The following SIRT1 variants were observed in gnomAD, a reference collection of about 807,000 sequenced individuals.
SIRT1 encodes NAD-dependent protein deacetylase sirtuin-1.
In SIRT1, 24 loss-of-function variants were observed where a neutral mutation model predicts 67.9. That is an observed-to-expected ratio of 0.35 (90% confidence interval 0.26 to 0.50). SIRT1 has a LOEUF of 0.50. SIRT1 is among the 20% of genes least tolerant of loss of function. The pLI, the probability that SIRT1 is intolerant of heterozygous loss-of-function variation, is 0.98. For missense variants in SIRT1, 873 were observed against 937.2 expected (o/e 0.93, Z 0.89); for synonymous variants, 378 against 350.7 (o/e 1.08, Z -0.87).
chr10:67,889,895 T>G (rs150421582), intron 3 of SIRT1, among the ~76,000 whole-genome samples: 236 of 152,290 alleles, frequency 1.5e-3, no homozygotes, highest in African/African-American at 5.2e-3. Context: ...ACTTCTGAAA[T>G]CTCTATTTGA....
At chr10:67,900,015 C>T (rs35695055) in intron 4 of SIRT1, among the ~76,000 whole-genome samples, 16,862 of 151,908 alleles carry the variant, frequency 0.11, 959 homozygotes, top group South Asian at 0.15. Context: ...ACTCGGGAGG[C>T]GGAGATTGCA....
intron 7 of SIRT1, 122 bp from the exon 8 acceptor site, chr10:67,912,352 G>A: frequency 1.3e-6 from 1 of 792,526 alleles, no homozygotes; most frequent in South Asian, 1.8e-5. Flanking sequence ...TTAGTGCATG[G>A]GTCTTTTTTG....
intron 4 of SIRT1, among the ~76,000 whole-genome samples, chr10:67,905,043 GCT>G (rs1234156806): frequency 6.6e-6 from 1 of 152,098 alleles, no homozygotes; most frequent in South Asian, 2.1e-4. Context: ...CTTGGTACTT[GCT>G]CTTTTTCCCT....
chr10:67,886,067 C>G (rs1050968819), intron 1 of SIRT1, among the ~76,000 whole-genome samples: 3 of 150,806 alleles, frequency 2.0e-5, no homozygotes, highest in East Asian at 2.0e-4. Context: ...TTCAGCCTGC[C>G]GAGTAGCTGG....
chr10:67,904,800 C>T (rs761388449), intron 4 of SIRT1, among the ~76,000 whole-genome samples: 39 of 150,748 alleles, frequency 2.6e-4, no homozygotes, highest in Non-Finnish European at 3.8e-4. Context: ...GCTGAGATCG[C>T]GCCATTGCAC....
intron 4 of SIRT1, among the ~76,000 whole-genome samples, chr10:67,894,873 C>T (rs1176621697): frequency 6.6e-6 from 1 of 152,056 alleles, no homozygotes; most frequent in East Asian, 1.9e-4. Context: ...TCACGATCAG[C>T]ACTTTTAGTA....
chr10:67,913,965 ATG>A (rs1266291598), intron 8 of SIRT1, among the ~76,000 whole-genome samples: 1 of 152,164 alleles, frequency 6.6e-6, no homozygotes, highest in African/African-American at 2.4e-5. Context: ...ATAATTATAA[ATG>A]TGAGTGATAC....
rs766544980 is a variant in SIRT1 at position 67,885,941 on chromosome 10, CTTTTT to C, written c.430+809_430+813del. The stretch of plus-strand genomic sequence containing the variant: ...GCAGTTGTCATGTTCTTGAAGGTTT[CTTTTT>C]TTTTTTTTTTTTTTTTTTGAGACGG... On this transcript the variant is annotated intron_variant, in intron 1 of 8. Transcript: ENST00000212015. Among the ~76,000 whole-genome samples the C allele has an allele frequency of 5.8e-3, 559 of 95,558 alleles. 4 individuals carry two copies. The highest frequency in any genetic ancestry group is 0.019 in the African/African-American group (479 of 24,646). The allele number at this position is 95,558 out of a possible 152,430, so 62.7% of individuals were successfully genotyped here.
intron 3 of SIRT1, 35 bp from the exon 4 acceptor site, chr10:67,891,367 A>T (rs7896005): frequency 8.1e-6 from 13 of 1,604,486 alleles, no homozygotes; most frequent in Non-Finnish European, 1.1e-5. Context: ...AAGGTAGAAG[A>T]TTTAATTTTA....
chr10:67,890,135 A>C (rs7099525), intron 3 of SIRT1, among the ~76,000 whole-genome samples: 37 of 151,992 alleles, frequency 2.4e-4, no homozygotes, highest in African/African-American at 8.5e-4. Context: ...GGCTCACTGC[A>C]ACCTCTGCCT....
At position 67,895,497 on chromosome 10, in the gene SIRT1, T is replaced by C. The variant is rs75292112; in HGVS notation, c.942+3943T>C. Among the ~76,000 whole-genome samples, 295 of 152,250 alleles carry C rather than the reference T, an allele frequency of 1.9e-3. 6 individuals are homozygous for C. The East Asian group carries it at 0.046, about 24-fold the overall frequency. On this transcript the variant is annotated intron_variant, in intron 4 of 8. Transcript: ENST00000212015. ...ATTTCTAAATATTACAAGAATAGAA[T>C]ATTCATAGGATAACCTAAGCTTTTC...
At chr10:67,916,131 T>C (rs2029904606) in intron 8 of SIRT1, 134 bp from the exon 9 acceptor site, 6 of 782,926 alleles carry the variant, frequency 7.7e-6, no homozygotes. Flanking sequence ...CCAGTTGTTT[T>C]TAAACACTAA....
intron 4 of SIRT1, among the ~76,000 whole-genome samples, chr10:67,897,050 G>A (rs1842669430): frequency 6.6e-6 from 1 of 151,762 alleles, no homozygotes; most frequent in African/African-American, 2.4e-5. Flanking sequence ...CAGCTACTCG[G>A]GAGGCTGAGG....
Position 67,889,090 on chromosome 10 carries a change from G to A in SIRT1, c.756G>A (p.Glu252=), listed in dbSNP as rs757474809. 2.5e-6 allele frequency: 4 copies of A among 1,605,242 alleles called. No individual in the cohort carries two copies. The South Asian group carries it at 4.4e-5, about 18-fold the overall frequency. Residue 252 remains glutamate (E), a synonymous_variant, in exon 3 of 9, where the codon GAG becomes GAA. Coordinates refer to ENST00000212015, the MANE Select transcript of SIRT1 (RefSeq NM_012238.5). ...TIEDAVKLLQ[E]CKKIIVLTGA... Reference sequence around the variant, plus strand: ...AAGATGCTGTGAAATTACTGCAAGAGTGCAAAAAAATTATAGTTCTAACTG... The same window carrying A: ...AAGATGCTGTGAAATTACTGCAAGAATGCAAAAAAATTATAGTTCTAACTG...
rs148443002 is a variant in SIRT1 at position 67,892,942 on chromosome 10, T to C, written c.942+1388T>C. Reference sequence around the variant, plus strand: ...GTGGTTACTAAACAATTTAAAGTTATATGTATGTCTCACATTATGTACCTA... The same window carrying C: ...GTGGTTACTAAACAATTTAAAGTTACATGTATGTCTCACATTATGTACCTA... On this transcript the variant is annotated intron_variant, in intron 4 of 8. Transcript: ENST00000212015. Among the ~76,000 whole-genome samples the C allele has an allele frequency of 1.3e-4, 20 of 152,336 alleles. No homozygotes were observed. In the East Asian group the frequency reaches 3.1e-3, roughly 24 times the overall value.
At chr10:67,903,535 CA>C (rs1404543214) in intron 4 of SIRT1, among the ~76,000 whole-genome samples, 5 of 152,102 alleles carry the variant, frequency 3.3e-5, no homozygotes, top group South Asian at 2.1e-4. Flanking sequence ...AGGCACCCGC[CA>C]CCATGCCCAG....
chr10:67,908,545 C>T (rs372993607), intron 6 of SIRT1, among the ~76,000 whole-genome samples: 7 of 152,186 alleles, frequency 4.6e-5, no homozygotes, highest in African/African-American at 1.7e-4. Context: ...AGAAATATGT[C>T]CTGTGTGCTT....
chr10:67,903,294 C>G (rs1842770727), intron 4 of SIRT1, among the ~76,000 whole-genome samples: 1 of 151,744 alleles, frequency 6.6e-6, no homozygotes, highest in South Asian at 2.1e-4. Context: ...TACACCTATG[C>G]CTTTTACTCT....
intron 4 of SIRT1, among the ~76,000 whole-genome samples, chr10:67,894,039 C>T (rs1189837067): frequency 6.6e-6 from 1 of 152,156 alleles, no homozygotes; most frequent in Non-Finnish European, 1.5e-5. Context: ...CTTTGGGAAG[C>T]TGAGATAGGA....
Sources: allele counts gnomAD v4.1 joint callset (sites outside exome capture counted in the v4.1 genomes callset), GRCh38; gene constraint gnomAD v4.1.1; transcripts MANE v1.5; gene names NCBI Gene and HGNC (gene_info 2026-07-23, HGNC 2026-07-21).